CEP112: variants seen among roughly 807,000 people sequenced by gnomAD.
CEP112 encodes centrosomal protein 112, also known as centrosomal protein of 112 kDa.
CEP112 carries 127 observed loss-of-function variants against 153.0 expected under a neutral mutation model. The ratio of observed to expected loss-of-function variants is 0.83; its 90% CI spans 0.72 to 0.96. The LOEUF (loss-of-function observed/expected upper bound fraction) is 0.96, where lower values mean the gene tolerates loss of function less well. Among genes scored for constraint, CEP112 ranks in the 40% least tolerant of loss-of-function variants. The pLI, the probability that CEP112 is intolerant of heterozygous loss-of-function variation, is 0.00. For missense variants in CEP112, 1,089 were observed against 1,101.2 expected (o/e 0.99, Z 0.16); for synonymous variants, 358 against 374.4 (o/e 0.96, Z 0.51).
chr17:65,639,549 G>GT (rs1254991958), intron 25 of CEP112, among the ~76,000 whole-genome samples: 1 of 151,842 alleles, frequency 6.6e-6, no homozygotes, highest in African/African-American at 2.4e-5. Flanking sequence ...GCTGGGCGTG[G>GT]TTGCATGCAC....
intron 2 of CEP112, 28 bp from the exon 3 acceptor site, chr17:66,177,048 T>A (rs1355259905): frequency 6.5e-7 from 1 of 1,543,154 alleles, no homozygotes; most frequent in East Asian, 2.3e-5. Context: ...CTATTAGAAA[T>A]TTTATTTTTT....
At chr17:66,041,506 C>A (rs12601355) in intron 12 of CEP112, among the ~76,000 whole-genome samples, 62,500 of 151,940 alleles carry the variant, frequency 0.41, 14,321 homozygotes, top group East Asian at 0.87. Context: ...ACTGTATACA[C>A]AGGCTAGTAT....
chr17:65,759,115 T>TC (rs1206356893), intron 21 of CEP112, among the ~76,000 whole-genome samples: 10 of 152,056 alleles, frequency 6.6e-5, no homozygotes, highest in Non-Finnish European at 1.2e-4. Flanking sequence ...GCTGCTACAC[T>TC]CCCACTGGCA....
At chr17:65,855,414 C>T (rs1192365133) in intron 20 of CEP112, among the ~76,000 whole-genome samples, 1 of 152,196 alleles carries the variant, frequency 6.6e-6, no homozygotes, top group East Asian at 1.9e-4. Context: ...AGGCTTCCCT[C>T]CAAACTCCCA....
intron 24 of CEP112, among the ~76,000 whole-genome samples, chr17:65,669,670 A>G (rs938848662): frequency 2.6e-4 from 39 of 152,286 alleles, no homozygotes; most frequent in African/African-American, 8.2e-4. Context: ...TTGGGGGGCC[A>G]AGGCGGGTGG....
intron 2 of CEP112, among the ~76,000 whole-genome samples, chr17:66,180,993 G>A (rs1331130341): frequency 6.6e-6 from 1 of 152,142 alleles, no homozygotes; most frequent in East Asian, 1.9e-4. Flanking sequence ...GGAACACTTT[G>A]AACAAGAAGA....
At chr17:65,642,728 C>G (rs1450420473) in intron 24 of CEP112, among the ~76,000 whole-genome samples, 2 of 152,122 alleles carry the variant, frequency 1.3e-5, no homozygotes, top group African/African-American at 4.8e-5. Flanking sequence ...TTAGCTGATT[C>G]AAATGAAGGA....
chr17:65,723,668 T>G (rs1439557986), intron 23 of CEP112, among the ~76,000 whole-genome samples: 1 of 152,222 alleles, frequency 6.6e-6, no homozygotes, highest in Non-Finnish European at 1.5e-5. Context: ...GCTGCTTTGT[T>G]TTATGAACTA....
At chr17:65,798,481 T>G (rs1167535484) in intron 21 of CEP112, among the ~76,000 whole-genome samples, 1 of 152,182 alleles carries the variant, frequency 6.6e-6, no homozygotes, top group East Asian at 1.9e-4. Flanking sequence ...AGTACCCCTG[T>G]GTGGTTATTT....
At position 66,069,942 on chromosome 17, in the gene CEP112, T is replaced by C. The variant is rs144326500; in HGVS notation, c.828A>G (p.Gln276=). The change falls in exon 9 of 27, where the codon CAA becomes CAG. Residue 276 remains glutamine, a synonymous_variant. Coordinates refer to ENST00000535342, the MANE Select transcript of CEP112 (RefSeq NM_001199165.4). ...TCTGAACATCAGCATCATGTTTCTG[T>C]TGCAGTTTAAGCTTTTCTTCATGAA... ...AKFHEEKLKL[Q]QKHDADVQKI... is the part of the protein sequence containing the mutation. The C allele has an allele frequency of 6.2e-7, 1 of 1,603,814 alleles. No homozygotes were observed. Among genetic ancestry groups the C allele is most frequent in the African/African-American group, 1.3e-5 (1 of 74,676 alleles).
intron 24 of CEP112, among the ~76,000 whole-genome samples, chr17:65,672,640 A>C (rs978470292): frequency 6.6e-6 from 1 of 152,204 alleles, no homozygotes; most frequent in Admixed American, 6.5e-5. Flanking sequence ...CAAATCAAGC[A>C]AGTAACTTGC....
intron 21 of CEP112, among the ~76,000 whole-genome samples, chr17:65,784,038 A>G (rs2054138999): frequency 6.6e-6 from 1 of 152,246 alleles, no homozygotes; most frequent in East Asian, 1.9e-4. Context: ...TTAGCAATGT[A>G]GGAGTGATGC....
chr17:65,727,183 G>T (rs1481043143), intron 23 of CEP112, among the ~76,000 whole-genome samples: 1 of 152,140 alleles, frequency 6.6e-6, no homozygotes, highest in African/African-American at 2.4e-5. Context: ...ATACTGGTCG[G>T]GTGGCAGTCA....
intron 20 of CEP112, among the ~76,000 whole-genome samples, chr17:65,885,188 A>G (rs2059233320): frequency 6.6e-6 from 1 of 152,188 alleles, no homozygotes; most frequent in African/African-American, 2.4e-5. Context: ...GATTATCTTG[A>G]GAAAATTTTC....
chr17:65,701,847 G>A lies in CEP112; in HGVS notation c.2608-12629C>T, dbSNP rs1482143475. Among the ~76,000 whole-genome samples the A allele has an allele frequency of 3.5e-5, 5 of 144,098 alleles. No individual in the cohort carries two copies. The East Asian group carries it at 8.2e-4, about 24-fold the overall frequency. The allele number at this position is 144,098 out of a possible 152,430, so 94.5% of individuals were successfully genotyped here. A position where few individuals can be genotyped will look rare whatever the true frequency, so the allele number is the denominator to read the frequency against. On this transcript the variant is annotated intron_variant, in intron 23 of 26. Coordinates refer to ENST00000535342, the MANE Select transcript of CEP112 (RefSeq NM_001199165.4). Reference sequence around the variant, plus strand: ...ATCATTTGTAAGCCCTACTCTCTCTGTTCTCCCTCCTAGTTAGTTGCCCAC... The same window carrying A: ...ATCATTTGTAAGCCCTACTCTCTCTATTCTCCCTCCTAGTTAGTTGCCCAC...
intron 24 of CEP112, among the ~76,000 whole-genome samples, chr17:65,673,188 T>C (rs555504965): frequency 1.3e-5 from 2 of 152,298 alleles, no homozygotes; most frequent in Admixed American, 1.3e-4. Flanking sequence ...ACTACAGGGC[T>C]GAGGTTCCCA....
intron 21 of CEP112, among the ~76,000 whole-genome samples, chr17:65,829,792 A>T (rs1266540348): frequency 6.6e-6 from 1 of 152,222 alleles, no homozygotes; most frequent in Non-Finnish European, 1.5e-5. Context: ...GTTTACATAA[A>T]AAGTACTCAA....
intron 17 of CEP112, among the ~76,000 whole-genome samples, chr17:65,971,118 C>G (rs12601064): frequency 6.6e-6 from 1 of 151,956 alleles, no homozygotes; most frequent in Non-Finnish European, 1.5e-5. Flanking sequence ...ATGTTCCTTG[C>G]GTGTATGAGA....
At chr17:65,816,483 C>T (rs571191655) in intron 21 of CEP112, among the ~76,000 whole-genome samples, 17 of 152,012 alleles carry the variant, frequency 1.1e-4, no homozygotes, top group Middle Eastern at 3.4e-3. Context: ...TTGTATCATT[C>T]TTATGCCATC....
Sources: gnomAD v4.1 joint callset for allele counts (sites outside exome capture counted in the v4.1 genomes callset) on GRCh38, gnomAD v4.1.1 for gene constraint, MANE v1.5 for transcripts, NCBI Gene and HGNC (gene_info 2026-07-23, HGNC 2026-07-21) for gene names.